Variants in SGCZ observed in about 807,000 individuals in gnomAD.
The protein encoded by SGCZ is zeta-sarcoglycan.
SGCZ carries 40 observed loss-of-function variants against 41.3 expected under a neutral mutation model. The ratio of observed to expected loss-of-function variants is 0.97; its 90% CI spans 0.75 to 1.26. SGCZ has a LOEUF of 1.26. SGCZ is among the 50% of genes most tolerant of loss of function. The pLI, the probability that SGCZ is intolerant of heterozygous loss-of-function variation, is 0.00. For synonymous variants in SGCZ, 206 were observed against 137.5 expected, an observed-to-expected ratio of 1.50 and a Z score of -3.49; for missense variants, 552 against 369.8, an observed-to-expected ratio of 1.49 and a Z score of -4.04.
chr8:14,977,295 A>G (rs1801509275), intron 1 of SGCZ, among the ~76,000 whole-genome samples: 1 of 152,210 alleles, frequency 6.6e-6, no homozygotes, highest in African/African-American at 2.4e-5. Context: ...TGCCACCAGC[A>G]TGGAGAACAG....
intron 1 of SGCZ, among the ~76,000 whole-genome samples, chr8:14,999,720 G>A (rs1020915885): frequency 6.6e-6 from 1 of 152,112 alleles, no homozygotes; most frequent in African/African-American, 2.4e-5. Context: ...AATCTTCAGT[G>A]CACACCCCAG....
intron 2 of SGCZ, among the ~76,000 whole-genome samples, chr8:14,347,617 TAATTATAA>T (rs1802934353): frequency 7.0e-6 from 1 of 143,682 alleles, no homozygotes; most frequent in African/African-American, 2.8e-5. Flanking sequence ...ATAAAAATTA[TAATTATAA>T]AAAAAAATAC....
intron 1 of SGCZ, among the ~76,000 whole-genome samples, chr8:14,778,165 C>T (rs1171168923): frequency 1.3e-5 from 2 of 152,008 alleles, no homozygotes; most frequent in Non-Finnish European, 2.9e-5. Context: ...TGGCCTCAAG[C>T]GATCCTCCCT....
At chr8:14,646,786 T>C (rs1252607444) in intron 1 of SGCZ, among the ~76,000 whole-genome samples, 1 of 150,716 alleles carries the variant, frequency 6.6e-6, no homozygotes. Context: ...TTTGTTCATA[T>C]ATTCATTCAA....
intron 2 of SGCZ, among the ~76,000 whole-genome samples, chr8:14,500,076 G>A (rs1802105652): frequency 6.6e-6 from 1 of 152,072 alleles, no homozygotes; most frequent in South Asian, 2.1e-4. Context: ...AAGGGTACTT[G>A]AAAACACGGA....
Position 14,148,927 on chromosome 8 carries a change from G to GAAC in SGCZ, c.547+15652_547+15653insGTT, listed in dbSNP as rs1314021796. On this transcript the variant is annotated intron_variant, in intron 5 of 7. Coordinates refer to ENST00000382080, the MANE Select transcript of SGCZ (RefSeq NM_139167.4). ...GGTACATCAAGTCAACAGAATGAAG[G>GAAC]ATAAAAACCACATGATCCTATCAAT... Among the ~76,000 whole-genome samples the GAAC allele has an allele frequency of 2.0e-4, 31 of 152,032 alleles. 2 individuals are homozygous for GAAC. Among genetic ancestry groups the GAAC allele is most frequent in the African/African-American group, 7.0e-4 (29 of 41,492 alleles).
chr8:14,163,734 A>G (rs911929956), intron 5 of SGCZ, among the ~76,000 whole-genome samples: 4 of 152,194 alleles, frequency 2.6e-5, no homozygotes, highest in African/African-American at 7.2e-5. Flanking sequence ...ATGTTCTTCA[A>G]TTGCCATGCT....
rs187729576 is a variant in SGCZ, at chr8:14,287,125, T to C, written c.336+36978A>G. ...ATAAGTATATAATATTTGAGTCAAA[T>C]AGCACATACAGTATTTTTTAAAGCA... is the stretch of plus-strand genomic sequence containing the variant. On this transcript the variant is annotated intron_variant, in intron 3 of 7. Transcript: ENST00000382080. 3.8e-4 allele frequency among the ~76,000 whole-genome samples: 45 copies of C among 118,314 alleles called. No homozygotes were observed. The East Asian group carries it at 9.3e-3, about 24-fold the overall frequency. 77.6% of individuals were successfully genotyped at this position (118,314 alleles called of 152,430 possible). A position where few individuals can be genotyped will look rare whatever the true frequency, so the allele number is the denominator to read the frequency against.
At chr8:14,846,889 G>C (rs967681698) in intron 1 of SGCZ, among the ~76,000 whole-genome samples, 2 of 151,860 alleles carry the variant, frequency 1.3e-5, no homozygotes, top group Non-Finnish European at 2.9e-5. Flanking sequence ...GGGCAACTCG[G>C]TGAAACGACA....
intron 1 of SGCZ, among the ~76,000 whole-genome samples, chr8:14,770,952 A>G (rs987099826): frequency 6.6e-6 from 1 of 152,202 alleles, no homozygotes; most frequent in African/African-American, 2.4e-5. Context: ...TGCCTGACAG[A>G]TGAAGTTTCC....
At chr8:14,255,530 T>A (rs913292005) in intron 3 of SGCZ, among the ~76,000 whole-genome samples, 3 of 152,002 alleles carry the variant, frequency 2.0e-5, no homozygotes, top group Non-Finnish European at 2.9e-5. Context: ...AAAAAGACAA[T>A]TACATTATAA....
At chr8:15,181,488 C>T (rs780866495) in intron 1 of SGCZ, among the ~76,000 whole-genome samples, 1 of 152,086 alleles carries the variant, frequency 6.6e-6, no homozygotes, top group Non-Finnish European at 1.5e-5. Context: ...TGTTTCAGCT[C>T]ATACAAACAG....
At chr8:14,446,511 A>C (rs947941996) in intron 2 of SGCZ, among the ~76,000 whole-genome samples, 6 of 152,218 alleles carry the variant, frequency 3.9e-5, no homozygotes, top group Non-Finnish European at 8.8e-5. Context: ...AAGAGTGGTA[A>C]TAAATTCTGA....
chr8:14,229,320 A>G (rs1806480788), intron 4 of SGCZ, among the ~76,000 whole-genome samples: 1 of 152,120 alleles, frequency 6.6e-6, no homozygotes, highest in Admixed American at 6.6e-5. Flanking sequence ...CATGATCACT[A>G]GTGTCTTTCC....
chr8:15,154,530 T>C (rs981550541), intron 1 of SGCZ, among the ~76,000 whole-genome samples: 4 of 152,160 alleles, frequency 2.6e-5, no homozygotes, highest in Admixed American at 6.5e-5. Context: ...AGAGCAAATA[T>C]GTTGAGCAAA....
intron 5 of SGCZ, among the ~76,000 whole-genome samples, chr8:14,116,155 T>C (rs1023316449): frequency 2.6e-5 from 4 of 152,218 alleles, no homozygotes; most frequent in Non-Finnish European, 5.9e-5. Flanking sequence ...AATATTGCAT[T>C]GGTTTATAGA....
chr8:14,799,750 A>C (rs984974546), intron 1 of SGCZ, among the ~76,000 whole-genome samples: 2 of 152,244 alleles, frequency 1.3e-5, no homozygotes, highest in African/African-American at 4.8e-5. Context: ...CCTTTGAAGC[A>C]ACCTTCTCTA....
chr8:14,143,611 C>G (rs928255499), intron 5 of SGCZ, among the ~76,000 whole-genome samples: 3 of 152,170 alleles, frequency 2.0e-5, no homozygotes, highest in Non-Finnish European at 4.4e-5. Context: ...CAATCATCCC[C>G]TACTGCAAGG....
intron 1 of SGCZ, among the ~76,000 whole-genome samples, chr8:14,628,269 T>C (rs1337860299): frequency 6.6e-6 from 1 of 152,050 alleles, no homozygotes; most frequent in Admixed American, 6.6e-5. Flanking sequence ...AAATAAATAT[T>C]GTATACATCT....
Sources: allele counts gnomAD v4.1 joint callset (sites outside exome capture counted in the v4.1 genomes callset), GRCh38; gene constraint gnomAD v4.1.1; transcripts MANE v1.5; gene names NCBI Gene and HGNC (gene_info 2026-07-23, HGNC 2026-07-21).